The following CRYBG1 variants were observed in gnomAD, a reference collection of about 807,000 sequenced individuals.
CRYBG1 encodes crystallin beta-gamma domain containing 1, also known as beta/gamma crystallin domain-containing protein 1.
A neutral mutation model predicts 189.2 loss-of-function variants in CRYBG1; 139 were observed. The observed-to-expected ratio is 0.73, with a 90% CI of 0.64 to 0.85. The LOEUF (loss-of-function observed/expected upper bound fraction) is 0.85, where lower values mean the gene tolerates loss of function less well. CRYBG1 is among the 40% of genes least tolerant of loss of function. CRYBG1 has a pLI of 0.00. For missense variants in CRYBG1, 2,611 were observed against 2,675.8 expected (o/e 0.98, Z 0.53); for synonymous variants, 1,023 against 1,017.1 (o/e 1.01, Z -0.11).
intron 9 of CRYBG1, 197 bp from the exon 10 acceptor site, chr6:106,541,389 C>T (rs1437541832): frequency 1.2e-5 from 8 of 675,348 alleles, no homozygotes; most frequent in East Asian, 1.1e-4. Context: ...ACTGCTTGTG[C>T]GAGGCTCCGT....
intron 2 of CRYBG1, among the ~76,000 whole-genome samples, chr6:106,462,778 G>T (rs1772039081): frequency 1.3e-5 from 2 of 152,194 alleles, no homozygotes. Context: ...TACTGGACTT[G>T]ACAGGTGATG....
At chr6:106,361,140 G>GCGCT in intron 1 of CRYBG1, 59 bp downstream of exon 1, 3 of 1,500,338 alleles carry the variant, frequency 2.0e-6, no homozygotes, top group South Asian at 2.5e-5. Context: ...TTCTCCTGCT[G>GCGCT]CGCTAGCCCT....
Position 106,544,783 on chromosome 6 carries a change from A to G in CRYBG1, c.5167-5A>G. The stretch of plus-strand genomic sequence containing the variant: ...CTTTGAATTTTGAATTTTTTTTCTC[A>G]ATAGGATTTTTCAAATGCTCACATG... On this transcript the variant is annotated splice_region_variant and splice_polypyrimidine_tract_variant and intron_variant, in intron 12 of 21. Transcript: ENST00000633556. 6.2e-7 allele frequency: 1 copy of G among 1,602,236 alleles called. No individual in the cohort carries two copies. The highest frequency in any genetic ancestry group is 2.2e-5 in the East Asian group (1 of 44,808).
At chr6:106,401,512 T>C (rs1435382494) in intron 1 of CRYBG1, among the ~76,000 whole-genome samples, 1 of 129,222 alleles carries the variant, frequency 7.7e-6, no homozygotes. Flanking sequence ...CCCACTAACG[T>C]GTCATCTAGC....
intron 2 of CRYBG1, among the ~76,000 whole-genome samples, chr6:106,473,297 G>T (rs1042911317): frequency 6.6e-6 from 1 of 152,082 alleles, no homozygotes; most frequent in African/African-American, 2.4e-5. Context: ...CAACTTCTGG[G>T]CAATCCTGTT....
intron 1 of CRYBG1, among the ~76,000 whole-genome samples, chr6:106,425,261 T>C (rs937349047): frequency 2.0e-5 from 3 of 152,102 alleles, no homozygotes; most frequent in African/African-American, 7.2e-5. Context: ...TCCTTCCAGC[T>C]CTGTTGGAAG....
intron 2 of CRYBG1, among the ~76,000 whole-genome samples, chr6:106,456,351 G>T: frequency 6.7e-6 from 1 of 149,538 alleles, no homozygotes. Flanking sequence ...TAGTAGTGAT[G>T]GAGTTTCACC....
intron 4 of CRYBG1, 107 bp downstream of exon 4, chr6:106,521,560 C>CTA (rs1305977050): frequency 7.9e-7 from 1 of 1,259,550 alleles, no homozygotes; most frequent in African/African-American, 1.5e-5. Context: ...AGCTTATGTG[C>CTA]TATAGTTTTT....
At position 106,560,108 on chromosome 6, in the gene CRYBG1, G is replaced by C. The variant is rs190806396; in HGVS notation, c.5856-695G>C. 4.6e-5 allele frequency among the ~76,000 whole-genome samples: 7 copies of C among 152,190 alleles called. 1 individual carries two copies. The East Asian group carries it at 1.2e-3, about 25-fold the overall frequency. ...GACCTACCTGGAAAAAAAAATTATAGAATATTAGGGTGGTAGAATTATGGG... is the reference window on the plus strand; with the variant it reads ...GACCTACCTGGAAAAAAAAATTATACAATATTAGGGTGGTAGAATTATGGG... On this transcript the variant is annotated intron_variant, in intron 18 of 21. Coordinates refer to ENST00000633556, the MANE Select transcript of CRYBG1 (RefSeq NM_001371242.2).
At chr6:106,398,069 T>A (rs1464402853) in intron 1 of CRYBG1, among the ~76,000 whole-genome samples, 2 of 152,190 alleles carry the variant, frequency 1.3e-5, no homozygotes, top group African/African-American at 4.8e-5. Context: ...CTCACTGAGC[T>A]ATTACACACA....
rs1174190347 is a variant in CRYBG1, at chr6:106,512,377, G to A, written c.1260G>A (p.Arg420=). Residue 420 remains arginine (R), a synonymous_variant, in exon 3 of 22, where the codon AGG becomes AGA. Transcript: ENST00000633556. ...GGTCCAGCGGCCGTAGGTCGGGGAG[G>A]CGGAGGGGGTCGCAGAAATCCACCG... ...EKRSSGRRSG[R]RRGSQKSTDS... 2.5e-6 allele frequency: 4 copies of A among 1,611,092 alleles called. No homozygotes were observed. The East Asian group carries it at 8.9e-5, about 36-fold the overall frequency.
intron 1 of CRYBG1, among the ~76,000 whole-genome samples, chr6:106,405,862 C>T (rs545315053): frequency 6.6e-6 from 1 of 152,248 alleles, no homozygotes; most frequent in South Asian, 2.1e-4. Flanking sequence ...CACAAAAACC[C>T]CATCCAAAGG....
intron 13 of CRYBG1, among the ~76,000 whole-genome samples, chr6:106,549,913 C>T (rs765000241): frequency 3.1e-4 from 47 of 152,064 alleles, no homozygotes; most frequent in Non-Finnish European, 5.7e-4. Flanking sequence ...CTGTTTTAGG[C>T]ATGGTTTACT....
chr6:106,412,902 A>C (rs574178947), intron 1 of CRYBG1, among the ~76,000 whole-genome samples: 5 of 150,714 alleles, frequency 3.3e-5, no homozygotes, highest in African/African-American at 1.2e-4. Context: ...GGACATGGTT[A>C]CCCAGGCATC....
chr6:106,392,899 C>T (rs896846353), intron 1 of CRYBG1, among the ~76,000 whole-genome samples: 1 of 152,068 alleles, frequency 6.6e-6, no homozygotes, highest in Non-Finnish European at 1.5e-5. Flanking sequence ...CTCAGCCTCC[C>T]GAGTAGCTAG....
At chr6:106,428,847 G>T (rs1366857861) in intron 1 of CRYBG1, among the ~76,000 whole-genome samples, 1 of 152,224 alleles carries the variant, frequency 6.6e-6, no homozygotes, top group Non-Finnish European at 1.5e-5. Flanking sequence ...AAAGCTAAGA[G>T]GCTGTGAAGG....
intron 16 of CRYBG1, among the ~76,000 whole-genome samples, chr6:106,554,061 C>G (rs769044904): frequency 6.6e-6 from 1 of 152,020 alleles, no homozygotes; most frequent in Non-Finnish European, 1.5e-5. Context: ...AACACAAGAC[C>G]CAGGGCAAAG....
At chr6:106,391,970 T>TGCGC (rs1554231578) in intron 1 of CRYBG1, among the ~76,000 whole-genome samples, 1,759 of 78,346 alleles carry the variant, frequency 0.022, 22 homozygotes, top group Non-Finnish European at 0.032. Context: ...TGTGTGTGTG[T>TGCGC]GCGTGCGCGT....
At chr6:106,528,442 A>C in intron 7 of CRYBG1, among the ~76,000 whole-genome samples, 1 of 152,042 alleles carries the variant, frequency 6.6e-6, no homozygotes, top group East Asian at 1.9e-4. Flanking sequence ...CTCCCCTTTT[A>C]TTTTTTGAAT....
Sources: gnomAD v4.1 joint callset for allele counts (sites outside exome capture counted in the v4.1 genomes callset) on GRCh38, gnomAD v4.1.1 for gene constraint, MANE v1.5 for transcripts, NCBI Gene and HGNC (gene_info 2026-07-23, HGNC 2026-07-21) for gene names.